Variants in SLC24A2 observed in about 807,000 individuals in gnomAD.
SLC24A2 encodes solute carrier family 24 member 2.
A neutral mutation model predicts 62.0 loss-of-function variants in SLC24A2; 36 were observed. The observed-to-expected ratio is 0.58, with a 90% CI of 0.44 to 0.77. SLC24A2 has a LOEUF of 0.77. Ranked by LOEUF, SLC24A2 falls within the 30% of genes least tolerant of loss-of-function variation. The probability of loss-of-function intolerance (pLI) is 0.00; values close to 1 mark genes in which losing one functional copy is unlikely to be tolerated. For missense variants in SLC24A2, 846 were observed against 817.9 expected (o/e 1.03, Z -0.42); for synonymous variants, 358 against 294.0 (o/e 1.22, Z -2.23).
In SLC24A2 at chr9:19,511,813, C is replaced by T. The variant is rs1832725962; in HGVS notation, c.*4340G>A. 6.6e-6 allele frequency: 1 copy of T among 152,158 alleles called. No homozygotes were observed. The highest frequency in any genetic ancestry group is 2.4e-5 in the African/African-American group (1 of 41,432). The allele number at this position is 152,158 out of a possible 1,614,324, so 9.4% of individuals were successfully genotyped here. A position where few individuals can be genotyped will look rare whatever the true frequency, so the allele number is the denominator to read the frequency against. ...CACCTATAATAGGGCCACCTACTTA[C>T]CAGAAAAACAATCTGTCCAGGTGCA... On this transcript the variant is annotated 3_prime_UTR_variant, in exon 11 of 11. Transcript: ENST00000341998.
chr9:19,784,485 G>C (rs955859837), intron 2 of SLC24A2, among the ~76,000 whole-genome samples: 1 of 152,164 alleles, frequency 6.6e-6, no homozygotes, highest in Non-Finnish European at 1.5e-5. Flanking sequence ...ATAAGACATC[G>C]AATCATTTCC....
At chr9:19,580,146 G>T (rs1836159508) in intron 5 of SLC24A2, among the ~76,000 whole-genome samples, 1 of 152,204 alleles carries the variant, frequency 6.6e-6, no homozygotes, top group Non-Finnish European at 1.5e-5. Flanking sequence ...AAGCAGCAAG[G>T]CTGCTTGGGA....
At chr9:19,899,474 A>G in the SLC24A2 span, among the ~76,000 whole-genome samples, 1 of 152,162 alleles carries the variant, frequency 6.6e-6, no homozygotes, top group Non-Finnish European at 1.5e-5. Flanking sequence ...TTATACAACT[A>G]TAATAGCAAG....
intron 7 of SLC24A2, among the ~76,000 whole-genome samples, chr9:19,554,856 A>C (rs1835003931): frequency 6.6e-6 from 1 of 152,136 alleles, no homozygotes; most frequent in Admixed American, 6.5e-5. Flanking sequence ...GCCTATACTG[A>C]CTTGAGAGAT....
At chr9:19,635,028 A>G (rs984821934) in intron 2 of SLC24A2, among the ~76,000 whole-genome samples, 1 of 152,200 alleles carries the variant, frequency 6.6e-6, no homozygotes, top group East Asian at 1.9e-4. Context: ...GTGGTTTCCT[A>G]GGACATATCT....
chr9:19,808,842 AG>A, the SLC24A2 span, among the ~76,000 whole-genome samples: 1 of 152,210 alleles, frequency 6.6e-6, no homozygotes, highest in East Asian at 1.9e-4. The surrounding 1 kb of genome is among the most constrained non-coding windows in gnomAD (Gnocchi z 4.1). Flanking sequence ...TAGGATCATG[AG>A]CCATGTGATG....
At chr9:20,276,701 C>T in the SLC24A2 span, among the ~76,000 whole-genome samples, 7 of 152,376 alleles carry the variant, frequency 4.6e-5, no homozygotes, top group South Asian at 1.4e-3. Context: ...CCCTGCAGCA[C>T]ACCTCTGCCT....
the SLC24A2 span, among the ~76,000 whole-genome samples, chr9:20,037,038 G>A: frequency 6.6e-6 from 1 of 151,988 alleles, no homozygotes; most frequent in South Asian, 2.1e-4. Context: ...TGGGATTACA[G>A]GTGACCATCA....
At chr9:19,903,190 A>G in the SLC24A2 span, among the ~76,000 whole-genome samples, 2 of 152,106 alleles carry the variant, frequency 1.3e-5, no homozygotes, top group African/African-American at 4.8e-5. Context: ...AGCAACAAAC[A>G]TTTATTTCTC....
chr9:20,162,873 CA>C, the SLC24A2 span, among the ~76,000 whole-genome samples: 2 of 152,106 alleles, frequency 1.3e-5, no homozygotes, highest in African/African-American at 4.8e-5. Flanking sequence ...GCACCAAAGA[CA>C]AAAACCACAT....
At chr9:19,949,775 G>T in the SLC24A2 span, among the ~76,000 whole-genome samples, 1 of 152,214 alleles carries the variant, frequency 6.6e-6, no homozygotes, top group East Asian at 1.9e-4. Flanking sequence ...ATGTGGATTA[G>T]AACAACACCT....
chr9:19,520,914 G>T lies in SLC24A2; in HGVS notation c.1716C>A (p.Asn572Lys). The change falls in exon 10 of 11, where the codon AAC (asparagine) becomes AAA (lysine). Residue 572 changes from asparagine (N) to lysine (K), a missense_variant. Asn to Lys is a moderately conservative substitution (Grantham distance 94). Coordinates refer to ENST00000341998, the MANE Select transcript of SLC24A2 (RefSeq NM_020344.4). Reference sequence around the variant, plus strand: ...CTCACCCTACAGTGATGTCAAAAATGTTGCTTCCAACAGAGCTGGACACAG... The same window carrying T: ...CTCACCCTACAGTGATGTCAAAAATTTTGCTTCCAACAGAGCTGGACACAG... Reference protein sequence around the residue: ...DMAVSSSVGSNIFDITVGLPL... With the variant: ...DMAVSSSVGSKIFDITVGLPL... The T allele has an allele frequency of 1.9e-6, 3 of 1,613,972 alleles. No individual in the cohort carries two copies. The highest frequency in any genetic ancestry group is 2.5e-6 in the Non-Finnish European group (3 of 1,179,978).
intron 4 of SLC24A2, among the ~76,000 whole-genome samples, chr9:19,610,507 C>A (rs760859495): frequency 1.3e-4 from 20 of 152,130 alleles, no homozygotes; most frequent in Non-Finnish European, 2.8e-4. Context: ...AAGAACAAAG[C>A]ATTTGGATGG....
chr9:19,699,559 C>A (rs1333789442), intron 2 of SLC24A2, among the ~76,000 whole-genome samples: 3 of 152,140 alleles, frequency 2.0e-5, no homozygotes, highest in Non-Finnish European at 4.4e-5. Flanking sequence ...GGAAAATATT[C>A]ATCATCCAAT....
chr9:19,922,755 T>C, the SLC24A2 span, among the ~76,000 whole-genome samples: 1 of 152,116 alleles, frequency 6.6e-6, no homozygotes, highest in African/African-American at 2.4e-5. Flanking sequence ...CTGGGATTCA[T>C]TCCTAGAGGC....
chr9:20,195,841 GA>G, the SLC24A2 span, among the ~76,000 whole-genome samples: 72,393 of 150,960 alleles, frequency 0.48, 18,331 homozygotes, highest in East Asian at 0.7. Context: ...AAGATTAAAA[GA>G]AAAAAAAATT....
At chr9:19,704,231 T>G (rs74215445) in intron 2 of SLC24A2, among the ~76,000 whole-genome samples, 2,496 of 152,338 alleles carry the variant, frequency 0.016, 45 homozygotes, top group East Asian at 0.094. Flanking sequence ...GATTCGCACA[T>G]GCATTAACAT....
chr9:19,849,787 C>T, the SLC24A2 span, among the ~76,000 whole-genome samples: 2 of 152,072 alleles, frequency 1.3e-5, no homozygotes, highest in African/African-American at 4.8e-5. Context: ...CTGGCACCAA[C>T]CTAAAATGCA....
intron 2 of SLC24A2, among the ~76,000 whole-genome samples, chr9:19,681,788 T>C (rs927151952): frequency 7.2e-5 from 11 of 152,206 alleles, no homozygotes; most frequent in African/African-American, 2.7e-4. Context: ...TTAGTTAACA[T>C]GAGCATTTCA....
Sources: allele counts gnomAD v4.1 joint callset (sites outside exome capture counted in the v4.1 genomes callset), GRCh38; gene constraint gnomAD v4.1.1; non-coding constraint Gnocchi (gnomAD v3.1); transcripts MANE v1.5; gene names NCBI Gene and HGNC (gene_info 2026-07-23, HGNC 2026-07-21).